Variants in PIK3R1 observed in about 807,000 individuals in gnomAD.
The protein encoded by PIK3R1 is phosphoinositide-3-kinase regulatory subunit 1, also known as phosphatidylinositol 3-kinase regulatory subunit alpha.
Under a neutral mutation model 98.0 loss-of-function variants are expected in PIK3R1, and 29 were observed. The observed-to-expected ratio is 0.30, with a 90% confidence interval of 0.22 to 0.40. The LOEUF (loss-of-function observed/expected upper bound fraction) is 0.40. Among genes scored for constraint, PIK3R1 ranks in the 10% least tolerant of loss-of-function variants. The pLI is 1.00. For missense variants in PIK3R1, 596 were observed against 872.7 expected (o/e 0.68, Z 3.99); for synonymous variants, 282 against 311.8 (o/e 0.90, Z 1.01).
At chr5:68,233,852 T>A (rs954769635) in intron 2 of PIK3R1, among the ~76,000 whole-genome samples, 2 of 152,228 alleles carry the variant, frequency 1.3e-5, no homozygotes, top group African/African-American at 4.8e-5. Context: ...AAGGCATGGC[T>A]GTGATTTTCA....
At chr5:68,254,974 G>A (rs544174882) in intron 2 of PIK3R1, among the ~76,000 whole-genome samples, 14 of 152,212 alleles carry the variant, frequency 9.2e-5, no homozygotes, top group African/African-American at 3.1e-4. Context: ...GTTGACACAA[G>A]TCAGGCCACA....
intron 2 of PIK3R1, among the ~76,000 whole-genome samples, chr5:68,259,502 T>C (rs1330353087): frequency 6.6e-6 from 1 of 152,230 alleles, no homozygotes; most frequent in Non-Finnish European, 1.5e-5. Flanking sequence ...TCTTCTACTG[T>C]GATTTTTCAA....
At chr5:68,296,705 A>G (rs1485934639) in intron 15 of PIK3R1, among the ~76,000 whole-genome samples, 1 of 152,080 alleles carries the variant, frequency 6.6e-6, no homozygotes, top group East Asian at 1.9e-4. Flanking sequence ...GAGGTAATTT[A>G]TGTGAGAACA....
intron 7 of PIK3R1, chr5:68,288,432 C>G (rs1307335813): frequency 8.0e-7 from 1 of 1,255,920 alleles, no homozygotes; most frequent in Non-Finnish European, 1.0e-6. Flanking sequence ...GTAGCGAAAT[C>G]CAGTTGGCTT....
chr5:68,243,136 C>T (rs908581482), intron 2 of PIK3R1, among the ~76,000 whole-genome samples: 1 of 151,716 alleles, frequency 6.6e-6, no homozygotes, highest in Non-Finnish European at 1.5e-5. Flanking sequence ...CAAAAGGCCA[C>T]GATGAAAGAG....
At chr5:68,265,838 G>A (rs918453392) in intron 2 of PIK3R1, among the ~76,000 whole-genome samples, 3 of 152,154 alleles carry the variant, frequency 2.0e-5, no homozygotes, top group Non-Finnish European at 2.9e-5. Context: ...TAATGTGGGC[G>A]TTCACTAAAC....
At chr5:68,293,054 T>C (rs777554629) in intron 8 of PIK3R1, 47 bp from the exon 9 acceptor site, 20 of 1,433,774 alleles carry the variant, frequency 1.4e-5, no homozygotes, top group Non-Finnish European at 7.8e-6. Flanking sequence ...TATAAATCTG[T>C]GGTCACTAAA....
At chr5:68,262,561 A>G (rs1341371113) in intron 2 of PIK3R1, among the ~76,000 whole-genome samples, 1 of 147,870 alleles carries the variant, frequency 6.8e-6, no homozygotes, top group Non-Finnish European at 1.5e-5. Flanking sequence ...GTATACATGT[A>G]TACACATGTA....
chr5:68,228,996 C>T (rs555151811), intron 2 of PIK3R1, among the ~76,000 whole-genome samples: 1 of 151,956 alleles, frequency 6.6e-6, no homozygotes, highest in East Asian at 1.9e-4. Context: ...TTCTTTAATA[C>T]ATGGAAAGAT....
intron 2 of PIK3R1, chr5:68,239,759 G>A (rs974695652): frequency 3.2e-5 from 14 of 432,594 alleles, no homozygotes; most frequent in Non-Finnish European, 5.5e-5. Flanking sequence ...GCCAAAGGCA[G>A]ATGACTCCCT....
At chr5:68,262,869 ATG>A (rs374531215) in intron 2 of PIK3R1, among the ~76,000 whole-genome samples, 1 of 95,656 alleles carries the variant, frequency 1.0e-5, no homozygotes, top group Non-Finnish European at 2.2e-5. Context: ...ACATGTATAC[ATG>A]TAGATACATG....
Position 68,297,631 on chromosome 5 carries a change from G to A in PIK3R1, c.*30G>A, listed in dbSNP as rs1189204026. 3.7e-6 allele frequency: 6 copies of A among 1,600,840 alleles called. No individual in the cohort carries two copies. In the South Asian group the frequency reaches 4.4e-5, roughly 12 times the overall value. On this transcript the variant is annotated 3_prime_UTR_variant, in exon 16 of 16. Transcript: ENST00000521381. ...CTTACTCTTTGATCCTTCTCCTGAA[G>A]TTCAGCCACCCTGAGGCCTCTGGAA...
At chr5:68,217,651 T>TGCGCGCGCGCGCGCGCGC (rs538227188) in intron 1 of PIK3R1, 1 of 144,182 alleles carries the variant, frequency 6.9e-6, no homozygotes, top group Non-Finnish European at 1.5e-5. Flanking sequence ...TGTGTGTGTG[T>TGCGCGCGCGCGCGCGCGC]GTGCGCGCGC....
intron 2 of PIK3R1, among the ~76,000 whole-genome samples, chr5:68,233,783 C>T (rs1269114901): frequency 6.6e-6 from 1 of 152,164 alleles, no homozygotes; most frequent in Non-Finnish European, 1.5e-5. Flanking sequence ...AACAAATCAG[C>T]TGCAAACCTT....
Position 68,297,440 on chromosome 5 carries a change from A to G in PIK3R1, c.2014A>G (p.Ile672Val), listed in dbSNP as rs764638492. 1.9e-6 allele frequency: 3 copies of G among 1,614,142 alleles called. No individual in the cohort carries two copies. Among genetic ancestry groups the G allele is most frequent in the Non-Finnish European group, 2.5e-6 (3 of 1,179,978 alleles). The change falls in exon 16 of 16, where the codon ATA (isoleucine) becomes GTA (valine). Residue 672 changes from isoleucine to valine, a missense_variant. Physicochemically the swap from Ile to Val is conservative, Grantham distance 29 (BLOSUM62 3). This residue lies in a region of PIK3R1 where 207 missense variants were observed against 361.4 expected (regional missense o/e 0.57). Coordinates refer to ENST00000521381, the MANE Select transcript of PIK3R1 (RefSeq NM_181523.3). ...GGACGGCGAAGTAAAGCATTGTGTC[A>G]TAAACAAAACAGCAACTGGCTATGG... ...VVDGEVKHCV[I>V]NKTATGYGFA...
At chr5:68,247,589 T>C (rs1745148854) in intron 2 of PIK3R1, among the ~76,000 whole-genome samples, 1 of 151,784 alleles carries the variant, frequency 6.6e-6, no homozygotes, top group South Asian at 2.1e-4. Context: ...TTTTTTTTTT[T>C]TTTTCTTGAG....
chr5:68,255,282 C>G (rs1391936756), intron 2 of PIK3R1, among the ~76,000 whole-genome samples: 3 of 152,196 alleles, frequency 2.0e-5, no homozygotes, highest in Non-Finnish European at 4.4e-5. Flanking sequence ...AAATAACCCA[C>G]TCTTACCGAT....
Position 68,280,546 on chromosome 5 carries a change from A to C in PIK3R1, c.653A>C (p.Glu218Ala). 6.2e-7 allele frequency: 1 copy of C among 1,610,224 alleles called. No homozygotes were observed. Among genetic ancestry groups the C allele is most frequent in the Non-Finnish European group, 8.5e-7 (1 of 1,177,132 alleles). Residue 218 changes from glutamate to alanine, a missense_variant, in exon 6 of 16, where the codon GAA becomes GCA. By Grantham distance (107) the Glu-to-Ala change is moderately radical. This residue lies in a region of PIK3R1 where 352 missense variants were observed against 393.3 expected (regional missense o/e 0.90). Transcript: ENST00000521381. ...CTTGTAGAAGTACAAAGCTCCGAAG[A>C]ATATATTCAGCTATTGAAGAAGCTT... The part of the protein sequence containing the change: ...SLAPEVQSSE[E>A]YIQLLKKLIR...
intron 2 of PIK3R1, among the ~76,000 whole-genome samples, chr5:68,233,987 T>C (rs1025892219): frequency 5.9e-5 from 9 of 152,244 alleles, no homozygotes; most frequent in African/African-American, 2.2e-4. Flanking sequence ...TGTCACAGTT[T>C]GATTCATTTT....
Sources: gnomAD v4.1 joint callset for allele counts (sites outside exome capture counted in the v4.1 genomes callset) on GRCh38, gnomAD v4.1.1 for gene constraint, gnomAD v4.1.1 regional missense constraint, MANE v1.5 for transcripts, NCBI Gene and HGNC (gene_info 2026-07-23, HGNC 2026-07-21) for gene names.